The following MLLT1 variants were observed in gnomAD, a reference collection of about 807,000 sequenced individuals.
MLLT1 encodes the protein protein ENL.
In MLLT1, 11 loss-of-function variants were observed where a neutral mutation model predicts 55.1. The observed-to-expected ratio is 0.20, with a 90% CI of 0.13 to 0.33. The LOEUF is 0.33. Among genes scored for constraint, MLLT1 ranks in the 10% least tolerant of loss-of-function variants. The pLI is 1.00. For synonymous variants in MLLT1, 323 were observed against 320.1 expected (o/e 1.01, Z -0.10); for missense variants, 536 against 760.6 (o/e 0.70, Z 3.47).
chr19:6,263,977 G>A (rs933608190), intron 2 of MLLT1, among the ~76,000 whole-genome samples: 2 of 152,048 alleles, frequency 1.3e-5, no homozygotes, highest in Non-Finnish European at 2.9e-5. Context: ...CTGCCACTGC[G>A]GGGCCTGAGC....
chr19:6,260,987 T>A (rs1029212596), intron 3 of MLLT1, among the ~76,000 whole-genome samples: 3 of 152,220 alleles, frequency 2.0e-5, no homozygotes, highest in Non-Finnish European at 4.4e-5. Flanking sequence ...TACCAGTGCC[T>A]GGGCTGTGGA....
Position 6,255,026 on chromosome 19 carries a change from T to C in MLLT1, c.276+7202A>G, listed in dbSNP as rs1568291742. 2.7e-5 allele frequency among the ~76,000 whole-genome samples: 4 copies of C among 149,824 alleles called. No homozygotes were observed. In the East Asian group the frequency reaches 7.8e-4, roughly 29 times the overall value. On this transcript the variant is annotated intron_variant, in intron 3 of 11. Transcript: ENST00000252674. The stretch of plus-strand genomic sequence containing the variant: ...CTACTAAAGCTAATAATAAATTCAT[T>C]AAAGCTGCAGGGTACAAGATCAATA...
chr19:6,244,325 G>A (rs2091146246), intron 3 of MLLT1, among the ~76,000 whole-genome samples: 1 of 151,304 alleles, frequency 6.6e-6, no homozygotes, highest in Admixed American at 6.6e-5. Flanking sequence ...GCAAAGAATG[G>A]AAGAAAAGCA....
rs2090986793 is a variant in MLLT1, at chr19:6,229,554, C to T, written c.420+1016G>A. Among the ~76,000 whole-genome samples the T allele has an allele frequency of 6.6e-6, 1 of 151,960 alleles. No individual in the cohort carries two copies. The highest frequency in any genetic ancestry group is 2.1e-4 in the South Asian group (1 of 4,816). On this transcript the variant is annotated intron_variant, in intron 4 of 11. Transcript: ENST00000252674. The surrounding 1 kb of genome is among the most constrained non-coding windows in gnomAD (Gnocchi z 5.2). ...ACACCTGACACATTCACATACTCCC[C>T]ATAACACACGTCACACCATACGTGC...
At position 6,222,256 on chromosome 19, in the gene MLLT1, C is replaced by A; in HGVS notation, c.975G>T (p.Ser325=). 2 of 1,612,944 alleles carry A rather than the reference C, an allele frequency of 1.2e-6. No individual in the cohort carries two copies. The highest frequency in any genetic ancestry group is 1.7e-6 in the Non-Finnish European group (2 of 1,179,668). ...SPRTSSSSSF[S]DKKPAKDKSS... ...TCTTGTCCTTGGCCGGCTTCTTGTC[C>A]GAGAAGGAGGAGGAGGAGGAGGTGC... is the stretch of plus-strand genomic sequence containing the variant. Residue 325 remains serine, a synonymous_variant, in exon 6 of 12, where the codon TCG becomes TCT. Transcript: ENST00000252674. The surrounding 1 kb of genome is among the most constrained non-coding windows in gnomAD (Gnocchi z 4.1).
rs2091388952 is a variant in MLLT1 at position 6,270,759 on chromosome 19, A to G, written c.13T>C (p.Cys5Arg). 6.2e-7 allele frequency: 1 copy of G among 1,600,590 alleles called. No individual in the cohort carries two copies. Among genetic ancestry groups the G allele is most frequent in the Non-Finnish European group, 8.5e-7 (1 of 1,171,072 alleles). The change falls in exon 2 of 12, where the codon TGC becomes CGC. Residue 5 changes from cysteine (C) to arginine (R), a missense_variant and splice_region_variant. Coordinates refer to ENST00000252674, the MANE Select transcript of MLLT1 (RefSeq NM_005934.4). This position sits in a 1 kb window ranked among gnomAD's most constrained non-coding sequence, Gnocchi z 7.1. ...AGCTCTAACCTCACCTGGACGGTGCACTGGAGGAGAGAGAGGTGGGGAGAT... is the reference window on the plus strand; with the variant it reads ...AGCTCTAACCTCACCTGGACGGTGCGCTGGAGGAGAGAGAGGTGGGGAGAT... MDNQ[C>R]TVQVRLELGH...
Position 6,219,603 on chromosome 19 carries a change from C to G in MLLT1, c.1111-1562G>C, listed in dbSNP as rs2090875799. 6.6e-6 allele frequency among the ~76,000 whole-genome samples: 1 copy of G among 152,220 alleles called. No individual in the cohort carries two copies. Among genetic ancestry groups the G allele is most frequent in the Non-Finnish European group, 1.5e-5 (1 of 68,044 alleles). ...CCGCCAGCTGCCTGCACACCGAGGC[C>G]AAGGCTAGTCCTCCCTTGACCTCCG... On this transcript the variant is annotated intron_variant, in intron 6 of 11. Coordinates refer to ENST00000252674, the MANE Select transcript of MLLT1 (RefSeq NM_005934.4). This position sits in a 1 kb window ranked among gnomAD's most constrained non-coding sequence, Gnocchi z 4.5.
rs570920732 is a variant in MLLT1, at chr19:6,279,884, G to GCGCCGCCGCCGC, written c.-112_-101dup. 95 of 164,224 alleles carry GCGCCGCCGCCGC rather than the reference G, an allele frequency of 5.8e-4. No homozygotes were observed. Among genetic ancestry groups the GCGCCGCCGCCGC allele is most frequent in the Non-Finnish European group, 1.0e-3 (82 of 81,770 alleles). The allele number at this position is 164,224 out of a possible 1,614,324, so 10.2% of individuals were successfully genotyped here. A position where few individuals can be genotyped will look rare whatever the true frequency, so the allele number is the denominator to read the frequency against. ...CCCCGCCGCCCTCATTGTCTGTCAAGCGCCGCCGCCGCCGCCGCCGCCGCC... is the reference window on the plus strand; with the variant it reads ...CCCCGCCGCCCTCATTGTCTGTCAAGCGCCGCCGCCGCCGCCGCCGCCGCCGCCGCCGCCGCC... On this transcript the variant is annotated 5_prime_UTR_variant, in exon 1 of 12. Coordinates refer to ENST00000252674, the MANE Select transcript of MLLT1 (RefSeq NM_005934.4).
intron 2 of MLLT1, among the ~76,000 whole-genome samples, chr19:6,263,722 G>T (rs1190731578): frequency 6.6e-6 from 1 of 152,204 alleles, no homozygotes; most frequent in Non-Finnish European, 1.5e-5. Flanking sequence ...AGGCAGGAGG[G>T]AGGAGATTCA....
In MLLT1 at chr19:6,240,703, C is replaced by T. The variant is rs904497473; in HGVS notation, c.277-9990G>A. ...GCACAGGGAGAGACTGGACCCCACACTCAGCTACGAACCTCCCGAGACAGC... is the reference window on the plus strand; with the variant it reads ...GCACAGGGAGAGACTGGACCCCACATTCAGCTACGAACCTCCCGAGACAGC... On this transcript the variant is annotated intron_variant, in intron 3 of 11. Coordinates refer to ENST00000252674, the MANE Select transcript of MLLT1 (RefSeq NM_005934.4). The surrounding 1 kb of genome is among the most constrained non-coding windows in gnomAD (Gnocchi z 4.7). Among the ~76,000 whole-genome samples, 7 of 152,256 alleles carry T rather than the reference C, an allele frequency of 4.6e-5. No homozygotes were observed. The highest frequency in any genetic ancestry group is 1.4e-4 in the African/African-American group (6 of 41,558).
intron 3 of MLLT1, among the ~76,000 whole-genome samples, chr19:6,250,675 T>C (rs77245211): frequency 1.5e-3 from 234 of 152,310 alleles, no homozygotes; most frequent in East Asian, 7.3e-3. Flanking sequence ...GGATTTTTTT[T>C]CCAAATGCTT....
chr19:6,220,926 T>C (rs2090891329), intron 6 of MLLT1, among the ~76,000 whole-genome samples: 1 of 152,148 alleles, frequency 6.6e-6, no homozygotes, highest in Non-Finnish European at 1.5e-5. Flanking sequence ...TCATAGCAGA[T>C]GGTGCCGTCT....
Position 6,216,448 on chromosome 19 carries a change from C to T in MLLT1, c.1264G>A (p.Gly422Ser). Residue 422 changes from glycine (G) to serine (S), a missense_variant, in exon 8 of 12, where the codon GGC becomes AGC. This residue lies in a region of MLLT1 where 449 missense variants were observed against 489.0 expected (regional missense o/e 0.92). Coordinates refer to ENST00000252674, the MANE Select transcript of MLLT1 (RefSeq NM_005934.4). Reference sequence around the variant, plus strand: ...TTGGTCTTGCCGGCAGCCTCCTCGCCTGACGAAGAGTCGTCCTCGTCGGAC... The same window carrying T: ...TTGGTCTTGCCGGCAGCCTCCTCGCTTGACGAAGAGTCGTCCTCGTCGGAC... ...EESDEDDSSS[G>S]EEAAGKTNPG... 6.2e-7 allele frequency: 1 copy of T among 1,610,212 alleles called. No individual in the cohort carries two copies. Among genetic ancestry groups the T allele is most frequent in the Non-Finnish European group, 8.5e-7 (1 of 1,179,062 alleles).
chr19:6,264,737 T>C (rs146950743), intron 2 of MLLT1, among the ~76,000 whole-genome samples: 3,351 of 150,970 alleles, frequency 0.022, 139 homozygotes, highest in African/African-American at 0.078. Flanking sequence ...CTACTAAAAA[T>C]ACAAAAAATT....
At chr19:6,236,649 A>AT (rs2091063777) in intron 3 of MLLT1, among the ~76,000 whole-genome samples, 1 of 152,172 alleles carries the variant, frequency 6.6e-6, no homozygotes, top group Admixed American at 6.5e-5. Flanking sequence ...GGCACTGGGA[A>AT]TGACTAAACG....
intron 3 of MLLT1, among the ~76,000 whole-genome samples, chr19:6,232,325 A>G (rs546283109): frequency 6.6e-6 from 1 of 152,202 alleles, no homozygotes; most frequent in Non-Finnish European, 1.5e-5. Flanking sequence ...GGGTGACGAC[A>G]CCACTCAATG....
chr19:6,212,530 C>T lies in MLLT1; in HGVS notation c.*512G>A, dbSNP rs953741730. On this transcript the variant is annotated 3_prime_UTR_variant, in exon 12 of 12. Coordinates refer to ENST00000252674, the MANE Select transcript of MLLT1 (RefSeq NM_005934.4). ...ATACAGCACAGACCCCAGCGCAGCGCGAGCCGGGGAGGAGCCGGCGCTAGG... is the reference window on the plus strand; with the variant it reads ...ATACAGCACAGACCCCAGCGCAGCGTGAGCCGGGGAGGAGCCGGCGCTAGG... 26 of 1,080,504 alleles carry T rather than the reference C, an allele frequency of 2.4e-5. No individual in the cohort carries two copies. Among genetic ancestry groups the T allele is most frequent in the Admixed American group, 4.9e-5 (1 of 20,244 alleles). The allele number at this position is 1,080,504 out of a possible 1,614,324, so 66.9% of individuals were successfully genotyped here. A position where few individuals can be genotyped will look rare whatever the true frequency, so the allele number is the denominator to read the frequency against.
chr19:6,245,257 CTTT>C (rs71172798), intron 3 of MLLT1, among the ~76,000 whole-genome samples: 2 of 133,738 alleles, frequency 1.5e-5, no homozygotes, highest in Non-Finnish European at 3.3e-5. Flanking sequence ...TTCTTTCTTT[CTTT>C]TTTTTTTTTT....
At chr19:6,217,262 C>G (rs369091102) in intron 7 of MLLT1, among the ~76,000 whole-genome samples, 49 of 152,312 alleles carry the variant, frequency 3.2e-4, no homozygotes, top group African/African-American at 1.1e-3. Flanking sequence ...TCCTCTCCCC[C>G]AGCCCCCCTG....
Sources: allele counts gnomAD v4.1 joint callset (sites outside exome capture counted in the v4.1 genomes callset), GRCh38; gene constraint gnomAD v4.1.1; regional missense constraint gnomAD v4.1.1; non-coding constraint Gnocchi (gnomAD v3.1); transcripts MANE v1.5; gene names NCBI Gene and HGNC (gene_info 2026-07-23, HGNC 2026-07-21).